The following PRR5 variants were observed in gnomAD, a reference collection of about 807,000 sequenced individuals.
The protein encoded by PRR5 is proline-rich protein 5.
In PRR5, 25 loss-of-function variants were observed where a neutral mutation model predicts 30.6. The observed-to-expected ratio is 0.82, with a 90% CI of 0.60 to 1.14. The LOEUF is 1.14. Among genes scored for constraint, PRR5 ranks in the 50% most tolerant of loss-of-function variants. The probability of loss-of-function intolerance (pLI) is 0.00; values close to 1 mark genes in which losing one functional copy is unlikely to be tolerated. For missense variants in PRR5, 600 were observed against 547.1 expected, an observed-to-expected ratio of 1.10 and a Z score of -0.96; for synonymous variants, 286 against 247.1, an observed-to-expected ratio of 1.16 and a Z score of -1.48.
chr22:44,691,959 T>C lies in PRR5; in HGVS notation c.-10-10533T>C, dbSNP rs745829514. ...TCCACAGTCGGCTCTGTGGGCTCAA[T>C]TGATGCCATCAGGAACGCGGGCCAA... On this transcript the variant is annotated intron_variant, in intron 1 of 8. Coordinates refer to the PRR5 transcript ENST00000006251. This position sits in a 1 kb window ranked among gnomAD's most constrained non-coding sequence, Gnocchi z 4.4. 1.3e-5 allele frequency among the ~76,000 whole-genome samples: 2 copies of C among 152,068 alleles called. No homozygotes were observed. Among genetic ancestry groups the C allele is most frequent in the Non-Finnish European group, 2.9e-5 (2 of 68,010 alleles).
chr22:44,699,091 C>T (rs527448234), upstream of PRR5, among the ~76,000 whole-genome samples: 17 of 152,206 alleles, frequency 1.1e-4, no homozygotes, highest in African/African-American at 3.9e-4. Context: ...AATTCCTTAA[C>T]GCTGACTAGA....
chr22:44,679,124 G>A (rs1327765597), intron 1 of PRR5, among the ~76,000 whole-genome samples: 1 of 152,142 alleles, frequency 6.6e-6, no homozygotes, highest in African/African-American at 2.4e-5. Flanking sequence ...CTAGGCCTCA[G>A]GAGATACGTG....
upstream of PRR5, among the ~76,000 whole-genome samples, chr22:44,699,681 GA>G (rs1926079488): frequency 6.6e-6 from 1 of 152,132 alleles, no homozygotes; most frequent in Non-Finnish European, 1.5e-5. Context: ...GCATAGGATG[GA>G]AAAAAAGTCA....
In PRR5 at chr22:44,736,791, C is replaced by T; in HGVS notation, c.711C>T (p.Arg237=). 4.5e-6 allele frequency: 7 copies of T among 1,558,788 alleles called. No homozygotes were observed. The highest frequency in any genetic ancestry group is 6.1e-6 in the Non-Finnish European group (7 of 1,147,172). ...CCCCAGAAAAGCGCCTCCTCCGCCG[C>T]TCCCGCTCGGGGGACGTGCTGGCCA... ...SCILEKRLLR[R]SRSGDVLAKN... Residue 237 remains arginine (R), a synonymous_variant, in exon 8 of 8, where the codon CGC becomes CGT. Coordinates refer to ENST00000336985, the MANE Select transcript of PRR5 (RefSeq NM_181333.4).
intron 1 of PRR5, among the ~76,000 whole-genome samples, chr22:44,681,224 C>T (rs1417725380): frequency 2.0e-5 from 3 of 152,152 alleles, no homozygotes; most frequent in Admixed American, 1.3e-4. Context: ...GCTGTTCACC[C>T]GGAGGGCCAG....
chr22:44,671,013 C>T (rs1053803429), intron 1 of PRR5, among the ~76,000 whole-genome samples: 2 of 152,184 alleles, frequency 1.3e-5, no homozygotes, highest in African/African-American at 4.8e-5. Context: ...TTCATGAAGA[C>T]CTTCCCCAGG....
chr22:44,709,086 T>A (rs1427883409), intron 1 of PRR5, among the ~76,000 whole-genome samples: 1 of 146,652 alleles, frequency 6.8e-6, no homozygotes, highest in Non-Finnish European at 1.5e-5. Flanking sequence ...CTCATGGGGG[T>A]CTCTGAAGGC....
At chr22:44,717,700 T>C (rs5765926) in intron 2 of PRR5, among the ~76,000 whole-genome samples, 125,511 of 151,192 alleles carry the variant, frequency 0.83, 52,135 homozygotes, top group East Asian at 0.89. Context: ...CAGGGAGGAG[T>C]ACTTACCCCT....
chr22:44,729,334 C>G, intron 4 of PRR5: 3 of 984,058 alleles, frequency 3.0e-6, no homozygotes, highest in Non-Finnish European at 3.6e-6. Flanking sequence ...GGGCCCTCAG[C>G]ACTCGGATAA....
upstream of PRR5, among the ~76,000 whole-genome samples, chr22:44,701,500 G>A (rs1211467387): frequency 1.3e-5 from 2 of 152,226 alleles, no homozygotes; most frequent in African/African-American, 4.8e-5. Context: ...AGTGCTCTGC[G>A]AAGCAGGCAG....
chr22:44,684,799 C>G (rs1452894964), intron 1 of PRR5, among the ~76,000 whole-genome samples: 1 of 152,244 alleles, frequency 6.6e-6, no homozygotes, highest in Admixed American at 6.5e-5. Context: ...TCGCTCTGGT[C>G]TGTGCTCCAC....
chr22:44,701,925 G>A (rs1926340218), upstream of PRR5, among the ~76,000 whole-genome samples: 1 of 151,876 alleles, frequency 6.6e-6, no homozygotes. Flanking sequence ...AGTGCTGGGC[G>A]GGGGGCGGGC....
At chr22:44,670,320 G>A (rs1411668751) in intron 1 of PRR5, among the ~76,000 whole-genome samples, 3 of 152,220 alleles carry the variant, frequency 2.0e-5, no homozygotes, top group Non-Finnish European at 4.4e-5. Flanking sequence ...GGGATTCTGA[G>A]CCCTTTGTTT....
rs185527395 is a variant in PRR5, at chr22:44,734,613, C to T, written c.556-414C>T. On this transcript the variant is annotated intron_variant, in intron 6 of 7. Transcript: ENST00000336985. ...TGGTCCCTGATGGATGTGGACTGCACCTGGCCCCATGGGGCAGGGAGCCCC... is the reference window on the plus strand; with the variant it reads ...TGGTCCCTGATGGATGTGGACTGCATCTGGCCCCATGGGGCAGGGAGCCCC... 300 of 178,410 alleles carry T rather than the reference C, an allele frequency of 1.7e-3. 4 individuals carry two copies. The highest frequency in any genetic ancestry group is 6.9e-3 in the African/African-American group (292 of 42,364). 11.1% of individuals were successfully genotyped at this position (178,410 alleles called of 1,614,324 possible).
intron 7 of PRR5, among the ~76,000 whole-genome samples, chr22:44,736,277 G>A (rs1050658140): frequency 6.6e-6 from 1 of 152,204 alleles, no homozygotes; most frequent in African/African-American, 2.4e-5. Context: ...GACCTTACAT[G>A]GAGGGCCTGT....
At chr22:44,730,682 C>T in intron 4 of PRR5, 1 of 1,020,572 alleles carries the variant, frequency 9.8e-7, no homozygotes, top group Non-Finnish European at 1.2e-6. Context: ...AGCTTGGATG[C>T]TCTTCCTCCA....
chr22:44,701,090 C>A (rs966105032), upstream of PRR5, among the ~76,000 whole-genome samples: 1 of 152,272 alleles, frequency 6.6e-6, no homozygotes, highest in East Asian at 1.9e-4. Context: ...CCATGTTGGC[C>A]GGGCTGGTCT....
rs574898442 is a variant in PRR5, at chr22:44,726,532, G to T, written c.265-45G>T. On this transcript the variant is annotated intron_variant, in intron 3 of 7. Transcript: ENST00000336985. Reference sequence around the variant, plus strand: ...GGGCCCTGCTGGCCAGGACACCCCCGGGCATCCACAAGGGCGGTGACAGCC... The same window carrying T: ...GGGCCCTGCTGGCCAGGACACCCCCTGGCATCCACAAGGGCGGTGACAGCC... The T allele has an allele frequency of 1.9e-6, 3 of 1,613,102 alleles. No homozygotes were observed. In the East Asian group the frequency reaches 6.7e-5, roughly 36 times the overall value.
At chr22:44,687,956 G>A (rs1270126560) in intron 1 of PRR5, among the ~76,000 whole-genome samples, 4 of 151,786 alleles carry the variant, frequency 2.6e-5, no homozygotes, top group South Asian at 2.1e-4. Flanking sequence ...TGTATTTTTA[G>A]TAGAGACGGG....
Sources: allele counts gnomAD v4.1 joint callset (sites outside exome capture counted in the v4.1 genomes callset), GRCh38; gene constraint gnomAD v4.1.1; non-coding constraint Gnocchi (gnomAD v3.1); transcripts MANE v1.5; gene names NCBI Gene and HGNC (gene_info 2026-07-23, HGNC 2026-07-21).